RNF216: variants seen among roughly 807,000 people sequenced by gnomAD.
RNF216 encodes ring finger protein 216.
RNF216 carries 72 observed loss-of-function variants against 110.8 expected under a neutral mutation model. The ratio of observed to expected loss-of-function variants is 0.65; its 90% CI spans 0.54 to 0.79. RNF216 has a LOEUF of 0.79. Ranked by LOEUF, RNF216 falls within the 30% of genes least tolerant of loss-of-function variation. RNF216 has a pLI of 0.00. For synonymous variants in RNF216, 495 were observed against 407.5 expected (o/e 1.21, Z -2.59); for missense variants, 1,342 against 1,141.2 (o/e 1.18, Z -2.54).
At chr7:5,712,035 CAT>C in intron 12 of RNF216, 196 bp from the exon 13 acceptor site, 2 of 577,438 alleles carry the variant, frequency 3.5e-6, no homozygotes, top group Non-Finnish European at 6.2e-6. Flanking sequence ...ATAAGCACCA[CAT>C]GAGGTCCTGA....
intron 10 of RNF216, among the ~76,000 whole-genome samples, chr7:5,715,683 G>A (rs1230394756): frequency 6.6e-6 from 1 of 151,848 alleles, no homozygotes; most frequent in Non-Finnish European, 1.5e-5. Flanking sequence ...TAATGTACCA[G>A]GCTATTGACT....
At chr7:5,695,302 G>A (rs1791556633) in intron 13 of RNF216, among the ~76,000 whole-genome samples, 1 of 152,104 alleles carries the variant, frequency 6.6e-6, no homozygotes, top group Non-Finnish European at 1.5e-5. Context: ...TTGTACCAAG[G>A]TTTGAACCAC....
intron 12 of RNF216, among the ~76,000 whole-genome samples, chr7:5,712,208 G>A (rs1055948254): frequency 5.9e-5 from 9 of 152,342 alleles, no homozygotes; most frequent in African/African-American, 1.7e-4. Flanking sequence ...GTCTGGGCGC[G>A]GTGGCTCACG....
At chr7:5,730,662 A>G in intron 6 of RNF216, 53 bp downstream of exon 6, 2 of 1,599,574 alleles carry the variant, frequency 1.3e-6, no homozygotes, top group Non-Finnish European at 1.7e-6. Context: ...AACAACAACA[A>G]CAAAGCACAG....
In RNF216 at chr7:5,680,760, C is replaced by T. The variant is rs888395471; in HGVS notation, c.2062-28250G>A. Among the ~76,000 whole-genome samples, 1 of 152,132 alleles carries T rather than the reference C, an allele frequency of 6.6e-6. No homozygotes were observed. Among genetic ancestry groups the T allele is most frequent in the Admixed American group, 6.5e-5 (1 of 15,276 alleles). On this transcript the variant is annotated intron_variant, in intron 13 of 16. Transcript: ENST00000389902. The surrounding 1 kb of genome is among the most constrained non-coding windows in gnomAD (Gnocchi z 4.3). The stretch of plus-strand genomic sequence containing the variant: ...CCCAGACAAAAGATGTCTGAAGCAC[C>T]ACTTCTGGCCCCTGGGCTCCCCTGT...
intron 13 of RNF216, among the ~76,000 whole-genome samples, chr7:5,693,198 C>T (rs569942979): frequency 6.6e-6 from 1 of 152,366 alleles, no homozygotes; most frequent in South Asian, 2.1e-4. Flanking sequence ...GACACAGCCA[C>T]ATTCATTTGT....
At chr7:5,654,047 T>C (rs1280732522) in intron 13 of RNF216, among the ~76,000 whole-genome samples, 1 of 152,134 alleles carries the variant, frequency 6.6e-6, no homozygotes, top group Admixed American at 6.6e-5. Context: ...CGATCAGGTA[T>C]GTCTTTTAAA....
chr7:5,668,593 C>T (rs1470876749), intron 13 of RNF216, among the ~76,000 whole-genome samples: 1 of 151,936 alleles, frequency 6.6e-6, no homozygotes, highest in African/African-American at 2.4e-5. Context: ...CTCATGGGGA[C>T]AGGAGATATG....
chr7:5,682,956 C>T (rs542171832), intron 13 of RNF216, among the ~76,000 whole-genome samples: 13 of 152,246 alleles, frequency 8.5e-5, no homozygotes, highest in African/African-American at 2.9e-4. Flanking sequence ...AACTCAGGAG[C>T]AAGCATAGGT....
At position 5,657,922 on chromosome 7, in the gene RNF216, G is replaced by A. The variant is rs559569411; in HGVS notation, c.2062-5412C>T. Among the ~76,000 whole-genome samples the A allele has an allele frequency of 7.2e-5, 11 of 152,320 alleles. No homozygotes were observed. In the South Asian group the frequency reaches 2.3e-3, roughly 32 times the overall value. ...AATCCAAGAACCTCTATTTTTCCTA[G>A]GTCAAGAATGCACATAACAGCCGAA... is the stretch of plus-strand genomic sequence containing the variant. On this transcript the variant is annotated intron_variant, in intron 13 of 16. Coordinates refer to ENST00000389902, the MANE Select transcript of RNF216 (RefSeq NM_207111.4).
chr7:5,752,940 T>A lies in RNF216; in HGVS notation c.107A>T (p.Asp36Val), dbSNP rs758530441. 1 of 1,611,322 alleles carries A rather than the reference T, an allele frequency of 6.2e-7. No individual in the cohort carries two copies. The highest frequency in any genetic ancestry group is 8.5e-7 in the Non-Finnish European group (1 of 1,178,856). ...NLRDGPITIS[D>V]SSDEERIPML... is the part of the protein sequence containing the mutation. ...TGGAATCCTTTCCTCATCTGAGGAG[T>A]CAGATATGGTGATGGGCCCATCTCG... is the stretch of plus-strand genomic sequence containing the variant. Residue 36 changes from aspartate (D) to valine (V), a missense_variant, in exon 3 of 17, where the codon GAC becomes GTC. Coordinates refer to ENST00000389902, the MANE Select transcript of RNF216 (RefSeq NM_207111.4).
chr7:5,779,367 C>A (rs894695976), intron 1 of RNF216, among the ~76,000 whole-genome samples: 2 of 151,994 alleles, frequency 1.3e-5, no homozygotes, highest in African/African-American at 4.8e-5. Flanking sequence ...AAAATCTGGC[C>A]CAGACTCTCC....
intron 15 of RNF216, among the ~76,000 whole-genome samples, chr7:5,634,937 G>A (rs957097723): frequency 2.6e-5 from 4 of 152,146 alleles, no homozygotes; most frequent in Non-Finnish European, 5.9e-5. Flanking sequence ...TTCATCCATG[G>A]GGAAAGAGTC....
At chr7:5,752,772 G>C in intron 3 of RNF216, 74 bp downstream of exon 3, 6 of 1,495,508 alleles carry the variant, frequency 4.0e-6, no homozygotes, top group Non-Finnish European at 4.6e-6. Context: ...CTACAACAAG[G>C]CCCACAAGAG....
chr7:5,656,867 G>A (rs1788777827), intron 13 of RNF216, among the ~76,000 whole-genome samples: 1 of 152,172 alleles, frequency 6.6e-6, no homozygotes. Context: ...GCTTTCTCAA[G>A]AACCAGTAGA....
chr7:5,760,239 G>T (rs112521703), intron 2 of RNF216, among the ~76,000 whole-genome samples: 1 of 152,082 alleles, frequency 6.6e-6, no homozygotes, highest in Non-Finnish European at 1.5e-5. Context: ...AGAACAGTCT[G>T]GGTGCAGTGG....
chr7:5,706,219 C>CAAAAA (rs56894423), intron 13 of RNF216, among the ~76,000 whole-genome samples: 2 of 70,710 alleles, frequency 2.8e-5, no homozygotes, highest in Non-Finnish European at 6.8e-5. Context: ...CACTCCATCT[C>CAAAAA]AAAAAAAAAA....
chr7:5,662,376 T>A (rs1275961999), intron 13 of RNF216: 1 of 152,174 alleles, frequency 6.6e-6, no homozygotes, highest in Non-Finnish European at 1.5e-5. Context: ...CATGAAAGTG[T>A]TCCATAGTCA....
At chr7:5,748,619 C>T (rs1324027544) in intron 3 of RNF216, among the ~76,000 whole-genome samples, 2 of 96,894 alleles carry the variant, frequency 2.1e-5, no homozygotes, top group Non-Finnish European at 2.2e-5. Context: ...CATACACACA[C>T]ACACACACAC....
Sources: allele counts gnomAD v4.1 joint callset (sites outside exome capture counted in the v4.1 genomes callset), GRCh38; gene constraint gnomAD v4.1.1; non-coding constraint Gnocchi (gnomAD v3.1); transcripts MANE v1.5; gene names NCBI Gene and HGNC (gene_info 2026-07-23, HGNC 2026-07-21).